TENM4: variants seen among roughly 807,000 people sequenced by gnomAD.
TENM4 encodes the protein teneurin transmembrane protein 4.
In TENM4, 82 loss-of-function variants were observed where a neutral mutation model predicts 243.3. The ratio of observed to expected loss-of-function variants is 0.34; its 90% CI spans 0.28 to 0.40. TENM4 has a LOEUF of 0.40. Among genes scored for constraint, TENM4 ranks in the 10% least tolerant of loss-of-function variants. The pLI, the probability that TENM4 is intolerant of heterozygous loss-of-function variation, is 1.00. For synonymous variants in TENM4, 1,412 were observed against 1,456.3 expected (o/e 0.97, Z 0.69); for missense variants, 3,138 against 3,673.3 (o/e 0.85, Z 3.77).
intron 2 of TENM4, among the ~76,000 whole-genome samples, chr11:79,234,858 C>G (rs1864434625): frequency 6.6e-6 from 1 of 152,136 alleles, no homozygotes; most frequent in African/African-American, 2.4e-5. Context: ...TGAGCCTTTT[C>G]CCTGGATGCG....
In TENM4 at chr11:78,720,354, C is replaced by T. The variant is rs1859617180; in HGVS notation, c.3821+16G>A. The stretch of plus-strand genomic sequence containing the variant: ...AGGCAGGGGTGAGGCAGGAAATTCT[C>T]CACTGGTTGGCTTACCTATGTCTGA... On this transcript the variant is annotated intron_variant, in intron 25 of 33. Transcript: ENST00000278550. 6.2e-7 allele frequency: 1 copy of T among 1,613,868 alleles called. No homozygotes were observed. Among genetic ancestry groups the T allele is most frequent in the Non-Finnish European group, 8.5e-7 (1 of 1,179,814 alleles).
intron 6 of TENM4, among the ~76,000 whole-genome samples, chr11:78,975,315 C>G (rs192609013): frequency 6.6e-6 from 1 of 152,096 alleles, no homozygotes; most frequent in African/African-American, 2.4e-5. Flanking sequence ...ATTCACACCT[C>G]TGGAGGCTGA....
chr11:78,871,074 A>G (rs972611516), intron 9 of TENM4, among the ~76,000 whole-genome samples: 1 of 152,104 alleles, frequency 6.6e-6, no homozygotes, highest in African/African-American at 2.4e-5. Context: ...CAGACCTCCC[A>G]CATTGTGCTG....
intron 6 of TENM4, among the ~76,000 whole-genome samples, chr11:78,966,704 G>A (rs186736977): frequency 1.8e-4 from 28 of 152,242 alleles, no homozygotes; most frequent in African/African-American, 5.8e-4. Context: ...TAGTATCTGC[G>A]GCAGAGGGAG....
intron 1 of TENM4, among the ~76,000 whole-genome samples, chr11:79,332,974 G>T (rs903312630): frequency 6.6e-6 from 1 of 152,122 alleles, no homozygotes; most frequent in Admixed American, 6.5e-5. Context: ...GACAGGATTT[G>T]TCAACCTTCA....
chr11:78,889,763 G>A, intron 9 of TENM4, 22 bp downstream of exon 9: 1 of 1,549,718 alleles, frequency 6.5e-7, no homozygotes, highest in Non-Finnish European at 8.7e-7. Context: ...AGCAAGGGGA[G>A]CTGGGGTGAA....
At chr11:79,205,578 T>G (rs558513579) in intron 3 of TENM4, among the ~76,000 whole-genome samples, 1 of 152,342 alleles carries the variant, frequency 6.6e-6, no homozygotes, top group African/African-American at 2.4e-5. Context: ...GTTAAGTTTC[T>G]GAGATAGTTT....
intron 6 of TENM4, among the ~76,000 whole-genome samples, chr11:78,987,689 A>G (rs1020977414): frequency 6.6e-6 from 1 of 152,222 alleles, no homozygotes; most frequent in African/African-American, 2.4e-5. Flanking sequence ...AAAATGATAA[A>G]TGTGAAGGTG....
intron 18 of TENM4, among the ~76,000 whole-genome samples, chr11:78,768,284 C>T (rs939124083): frequency 2.0e-5 from 3 of 152,198 alleles, no homozygotes; most frequent in Non-Finnish European, 4.4e-5. Flanking sequence ...AACCCAAGGT[C>T]AAGGACCCTC....
intron 1 of TENM4, among the ~76,000 whole-genome samples, chr11:79,342,636 C>G (rs1221703541): frequency 6.6e-6 from 1 of 152,246 alleles, no homozygotes. Flanking sequence ...CTACAAAATC[C>G]CAATGCCCAG....
chr11:78,730,540 G>T (rs1855633839), intron 21 of TENM4, among the ~76,000 whole-genome samples: 1 of 152,166 alleles, frequency 6.6e-6, no homozygotes, highest in African/African-American at 2.4e-5. Context: ...ATGACCCGGG[G>T]AACGCTCAGG....
chr11:78,710,249 G>A (rs905752142), intron 26 of TENM4, among the ~76,000 whole-genome samples: 1 of 152,214 alleles, frequency 6.6e-6, no homozygotes, highest in South Asian at 2.1e-4. Context: ...CTGACTTGTA[G>A]TAACTAGCCC....
At chr11:78,911,014 T>A (rs1192470529) in intron 6 of TENM4, among the ~76,000 whole-genome samples, 1 of 152,202 alleles carries the variant, frequency 6.6e-6, no homozygotes, top group Non-Finnish European at 1.5e-5. Flanking sequence ...TATTTCTGCT[T>A]CCTCATTCAT....
rs1177828838 is a variant in TENM4, at chr11:78,669,055, G to A, written c.7290C>T (p.Ser2430=). The A allele has an allele frequency of 1.2e-6, 2 of 1,613,912 alleles. No individual in the cohort carries two copies. The highest frequency in any genetic ancestry group is 1.7e-6 in the Non-Finnish European group (2 of 1,179,876). The change falls in exon 32 of 34, where the codon AGC becomes AGT. Residue 2430 remains serine (S), a synonymous_variant. Transcript: ENST00000278550. This position sits in a 1 kb window ranked among gnomAD's most constrained non-coding sequence, Gnocchi z 6.4. ...DYDVLAGRWT[S]PDHELWKHLS... is the part of the protein sequence containing the mutation. ...GGTGCTTCCACAGCTCGTGGTCTGG[G>A]CTAGTCCAGCGTCCGGCCAGCACAT...
chr11:79,189,140 A>T (rs1863431680), intron 3 of TENM4, among the ~76,000 whole-genome samples: 1 of 152,248 alleles, frequency 6.6e-6, no homozygotes, highest in South Asian at 2.1e-4. Flanking sequence ...GGTATGGCAC[A>T]GAATGCAAAA....
At chr11:78,759,814 C>T (rs1321924373) in intron 18 of TENM4, among the ~76,000 whole-genome samples, 1 of 152,176 alleles carries the variant, frequency 6.6e-6, no homozygotes, top group African/African-American at 2.4e-5. Context: ...ACCAGAGGCT[C>T]AAAGTGGTAA....
intron 6 of TENM4, among the ~76,000 whole-genome samples, chr11:78,910,520 G>C (rs1856162397): frequency 6.6e-6 from 1 of 152,238 alleles, no homozygotes; most frequent in Non-Finnish European, 1.5e-5. Context: ...GAATCTGATA[G>C]CCTGACTTCC....
chr11:79,283,905 T>C lies in TENM4; in HGVS notation c.-265+13583A>G, dbSNP rs190726917. Among the ~76,000 whole-genome samples the C allele has an allele frequency of 6.7e-4, 102 of 152,244 alleles. 1 individual carries two copies. Among genetic ancestry groups the C allele is most frequent in the African/African-American group, 2.2e-3 (93 of 41,542 alleles). On this transcript the variant is annotated intron_variant, in intron 2 of 33. Coordinates refer to ENST00000278550, the MANE Select transcript of TENM4 (RefSeq NM_001098816.3). ...TACAATCAGTTGTATTTCTATACACTAGCAATGAACAATCCAAAAATGCAA... is the reference window on the plus strand; with the variant it reads ...TACAATCAGTTGTATTTCTATACACCAGCAATGAACAATCCAAAAATGCAA...
At chr11:79,191,120 C>CG (rs1472686222) in intron 3 of TENM4, among the ~76,000 whole-genome samples, 1 of 50,900 alleles carries the variant, frequency 2.0e-5, no homozygotes, top group African/African-American at 8.0e-5. Context: ...CTCCCTCTCC[C>CG]TCTCCCTCTC....
Sources: allele counts gnomAD v4.1 joint callset (sites outside exome capture counted in the v4.1 genomes callset), GRCh38; gene constraint gnomAD v4.1.1; non-coding constraint Gnocchi (gnomAD v3.1); transcripts MANE v1.5; gene names NCBI Gene and HGNC (gene_info 2026-07-23, HGNC 2026-07-21).